The following PDE4D variants were observed in gnomAD, a reference collection of about 807,000 sequenced individuals.
PDE4D encodes 3',5'-cyclic-AMP phosphodiesterase 4D.
Under a neutral mutation model 87.4 loss-of-function variants are expected in PDE4D, and 24 were observed. The observed-to-expected ratio is 0.27, with a 90% CI of 0.20 to 0.39. The LOEUF is 0.39. Among genes scored for constraint, PDE4D ranks in the 10% least tolerant of loss-of-function variants. The pLI, the probability that PDE4D is intolerant of heterozygous loss-of-function variation, is 1.00. For synonymous variants in PDE4D, 384 were observed against 383.2 expected, an observed-to-expected ratio of 1.00 and a Z score of -0.02; for missense variants, 714 against 1,041.0, an observed-to-expected ratio of 0.69 and a Z score of 4.32.
intron 1 of PDE4D, among the ~76,000 whole-genome samples, chr5:59,411,020 T>C (rs1171270477): frequency 6.6e-6 from 1 of 152,308 alleles, no homozygotes; most frequent in Non-Finnish European, 1.5e-5. Flanking sequence ...TTTATTTTTA[T>C]AGCATAAATT....
intron 2 of PDE4D, among the ~76,000 whole-genome samples, chr5:60,112,890 A>G (rs1388446405): frequency 1.3e-5 from 2 of 152,118 alleles, no homozygotes; most frequent in East Asian, 3.9e-4. Flanking sequence ...CGCCATCCAA[A>G]ATTTCCAGAA....
intron 2 of PDE4D, among the ~76,000 whole-genome samples, chr5:59,202,105 T>C (rs1190334007): frequency 7.4e-6 from 1 of 136,014 alleles, no homozygotes; most frequent in Non-Finnish European, 1.5e-5. Flanking sequence ...GTGGCTGCAA[T>C]CTCGGCTCAC....
At chr5:60,224,750 T>C (rs936869803) in intron 1 of PDE4D, among the ~76,000 whole-genome samples, 2 of 152,094 alleles carry the variant, frequency 1.3e-5, no homozygotes, top group African/African-American at 2.4e-5. Context: ...CTGCATTCTA[T>C]TCATCAATTA....
intron 1 of PDE4D, among the ~76,000 whole-genome samples, chr5:60,322,398 AC>A (rs56821247): frequency 0.024 from 3,647 of 150,586 alleles, 76 homozygotes; most frequent in East Asian, 0.091. Flanking sequence ...ACACACACAC[AC>A]ACACACACAC....
At chr5:60,336,426 G>A (rs1033717370) in intron 1 of PDE4D, among the ~76,000 whole-genome samples, 1 of 152,116 alleles carries the variant, frequency 6.6e-6, no homozygotes, top group Admixed American at 6.5e-5. Context: ...TTTTCTTAAG[G>A]GTAGAACCCT....
intron 1 of PDE4D, among the ~76,000 whole-genome samples, chr5:59,407,206 T>C (rs1057348863): frequency 6.6e-6 from 1 of 152,306 alleles, no homozygotes; most frequent in East Asian, 1.9e-4. Context: ...ATCTCTTTGT[T>C]TAAAGGTGTG....
At chr5:59,802,895 TC>T (rs1388016116) in intron 1 of PDE4D, among the ~76,000 whole-genome samples, 1 of 152,122 alleles carries the variant, frequency 6.6e-6, no homozygotes, top group Non-Finnish European at 1.5e-5. Flanking sequence ...TGGCCTGATG[TC>T]TTTAATAAGC....
At chr5:59,201,531 ACT>A (rs1164520459) in intron 2 of PDE4D, among the ~76,000 whole-genome samples, 1 of 152,154 alleles carries the variant, frequency 6.6e-6, no homozygotes, top group African/African-American at 2.4e-5. Context: ...TTTTTTATAA[ACT>A]CTAAGTAATC....
chr5:60,464,008 C>A (rs1391135822), intron 1 of PDE4D, among the ~76,000 whole-genome samples: 1 of 152,046 alleles, frequency 6.6e-6, no homozygotes, highest in African/African-American at 2.4e-5. Context: ...AATTTTAACC[C>A]ATTTCTTTCC....
chr5:60,335,284 G>A (rs1356867877), intron 1 of PDE4D, among the ~76,000 whole-genome samples: 1 of 152,200 alleles, frequency 6.6e-6, no homozygotes, highest in African/African-American at 2.4e-5. Flanking sequence ...AGAGGAATGA[G>A]AGAGTAGAAA....
chr5:59,009,268 T>C (rs1287312257), intron 6 of PDE4D, among the ~76,000 whole-genome samples: 3 of 152,144 alleles, frequency 2.0e-5, no homozygotes, highest in Non-Finnish European at 4.4e-5. Flanking sequence ...TATAAAGACC[T>C]ATATGAAAAT....
At chr5:60,131,332 A>C (rs995614456) in intron 2 of PDE4D, among the ~76,000 whole-genome samples, 1 of 152,198 alleles carries the variant, frequency 6.6e-6, no homozygotes, top group African/African-American at 2.4e-5. Context: ...TTAGACCCAC[A>C]AATGCTCAAG....
intron 2 of PDE4D, among the ~76,000 whole-genome samples, chr5:60,046,809 G>A (rs1179780229): frequency 6.6e-6 from 1 of 152,190 alleles, no homozygotes; most frequent in Admixed American, 6.5e-5. Context: ...GTTCATCAAG[G>A]ATATTGGTCT....
At chr5:59,939,264 TA>T (rs1304080143) in intron 3 of PDE4D, among the ~76,000 whole-genome samples, 1 of 152,200 alleles carries the variant, frequency 6.6e-6, no homozygotes, top group East Asian at 1.9e-4. Context: ...TAGTTGAACC[TA>T]ACTTATTCTA....
intron 1 of PDE4D, among the ~76,000 whole-genome samples, chr5:59,290,697 T>C (rs547967265): frequency 5.9e-5 from 9 of 152,204 alleles, no homozygotes; most frequent in African/African-American, 1.9e-4. Flanking sequence ...GACAAGGGAT[T>C]AATAATCAGA....
At chr5:59,380,316 A>C (rs1191244199) in intron 1 of PDE4D, among the ~76,000 whole-genome samples, 1 of 151,438 alleles carries the variant, frequency 6.6e-6, no homozygotes, top group African/African-American at 2.4e-5. Flanking sequence ...AAAAACTATT[A>C]GGAAATGAAA....
At chr5:59,438,225 T>C (rs1197691715) in intron 1 of PDE4D, among the ~76,000 whole-genome samples, 2 of 152,200 alleles carry the variant, frequency 1.3e-5, no homozygotes, top group African/African-American at 2.4e-5. Context: ...AGCCAAATCA[T>C]ATCAGTAATT....
intron 5 of PDE4D, among the ~76,000 whole-genome samples, chr5:59,177,221 A>G (rs1233386833): frequency 1.3e-5 from 2 of 152,114 alleles, no homozygotes; most frequent in Non-Finnish European, 1.5e-5. Flanking sequence ...CACTGATGCA[A>G]CCTAGAAGAA....
intron 2 of PDE4D, among the ~76,000 whole-genome samples, chr5:60,049,112 C>G (rs1232340153): frequency 6.6e-6 from 1 of 152,070 alleles, no homozygotes; most frequent in Non-Finnish European, 1.5e-5. Context: ...TCATTTCATT[C>G]ATTTCATCTT....
Sources: allele counts gnomAD v4.1 joint callset (sites outside exome capture counted in the v4.1 genomes callset), GRCh38; gene constraint gnomAD v4.1.1; transcripts MANE v1.5; gene names NCBI Gene and HGNC (gene_info 2026-07-23, HGNC 2026-07-21).